Variants in MAGI2 observed in about 807,000 individuals in gnomAD.
The protein encoded by MAGI2 is membrane-associated guanylate kinase, WW and PDZ domain-containing protein 2.
A neutral mutation model predicts 133.3 loss-of-function variants in MAGI2; 35 were observed. The ratio of observed to expected loss-of-function variants is 0.26; its 90% CI spans 0.20 to 0.35. The LOEUF is 0.35. Among genes scored for constraint, MAGI2 ranks in the 10% least tolerant of loss-of-function variants. MAGI2 has a pLI of 1.00. For missense variants in MAGI2, 1,636 were observed against 1,863.4 expected, an observed-to-expected ratio of 0.88 and a Z score of 2.25; for synonymous variants, 729 against 710.6, an observed-to-expected ratio of 1.03 and a Z score of -0.41.
rs1796199451 is a variant in MAGI2, at chr7:78,286,929, C to G, written c.1409-30348G>C. 3.3e-5 allele frequency among the ~76,000 whole-genome samples: 5 copies of G among 152,124 alleles called. No individual in the cohort carries two copies. The South Asian group carries it at 1.0e-3, about 32-fold the overall frequency. On this transcript the variant is annotated intron_variant, in intron 9 of 21. Coordinates refer to ENST00000354212, the MANE Select transcript of MAGI2 (RefSeq NM_012301.4). ...CAAATAGACAAGTTTCATGAAAGGA[C>G]AGCTGAGAGAGTGAATGTAGCCGGA...
chr7:79,317,856 A>G (rs1202368955), intron 1 of MAGI2, among the ~76,000 whole-genome samples: 1 of 152,060 alleles, frequency 6.6e-6, no homozygotes, highest in Non-Finnish European at 1.5e-5. Flanking sequence ...CTTAACTGGA[A>G]TGTGCCTGGT....
chr7:79,035,602 C>T (rs1055414206), intron 1 of MAGI2, among the ~76,000 whole-genome samples: 6 of 152,090 alleles, frequency 3.9e-5, no homozygotes, highest in Non-Finnish European at 7.4e-5. Flanking sequence ...TCATAAGGTG[C>T]ACAGTAATTT....
In MAGI2 at chr7:78,018,510, G is replaced by A. The variant is rs1449219214; in HGVS notation, c.*805C>T. ...TCAATTATAAAATTCATATTTTAGA[G>A]AAAAACCAATTAAGATCTATGAGCT... is the stretch of plus-strand genomic sequence containing the variant. On this transcript the variant is annotated 3_prime_UTR_variant, in exon 22 of 22. Transcript: ENST00000354212. 1.3e-5 allele frequency: 2 copies of A among 152,280 alleles called. No homozygotes were observed. The highest frequency in any genetic ancestry group is 4.1e-4 in the South Asian group (2 of 4,822). The allele number at this position is 152,280 out of a possible 1,614,324, so 9.4% of individuals were successfully genotyped here.
At chr7:78,452,876 T>G (rs1788876108) in intron 6 of MAGI2, among the ~76,000 whole-genome samples, 1 of 152,122 alleles carries the variant, frequency 6.6e-6, no homozygotes, top group Non-Finnish European at 1.5e-5. Flanking sequence ...ATTAGCATAT[T>G]TTTAAAATTT....
In MAGI2 at chr7:79,389,927, A is replaced by G. The variant is rs77254369; in HGVS notation, c.301+63093T>C. ...TATGCAAAACTGAGATTCAAATGCT[A>G]TGAGGAGTTCATTATTTCCCCAATT... On this transcript the variant is annotated intron_variant, in intron 1 of 21. Transcript: ENST00000354212. Among the ~76,000 whole-genome samples, 33 of 152,264 alleles carry G rather than the reference A, an allele frequency of 2.2e-4. 1 individual carries two copies. In the East Asian group the frequency reaches 6.4e-3, roughly 29 times the overall value.
intron 21 of MAGI2, among the ~76,000 whole-genome samples, chr7:78,051,649 A>C (rs1812013224): frequency 1.3e-5 from 2 of 152,142 alleles, no homozygotes; most frequent in Non-Finnish European, 2.9e-5. Context: ...CAGTGGCGCG[A>C]TCTTGGCTCA....
intron 2 of MAGI2, among the ~76,000 whole-genome samples, chr7:78,798,959 GA>G (rs1318322203): frequency 6.6e-6 from 1 of 152,162 alleles, no homozygotes; most frequent in Non-Finnish European, 1.5e-5. Context: ...GATCAAGAAA[GA>G]AAAGACATAA....
At chr7:79,235,788 C>T (rs1296094645) in intron 1 of MAGI2, among the ~76,000 whole-genome samples, 1 of 152,254 alleles carries the variant, frequency 6.6e-6, no homozygotes, top group African/African-American at 2.4e-5. Context: ...TAGACCGGAG[C>T]TGTTCCTATT....
intron 20 of MAGI2, among the ~76,000 whole-genome samples, chr7:78,093,695 G>A (rs116882540): frequency 6.6e-5 from 10 of 152,162 alleles, no homozygotes; most frequent in East Asian, 1.9e-4. Context: ...TCTATCATAC[G>A]TTCTAACTAG....
intron 2 of MAGI2, among the ~76,000 whole-genome samples, chr7:78,783,476 T>C (rs958400578): frequency 6.6e-6 from 1 of 152,108 alleles, no homozygotes. Context: ...AAAAGAAACA[T>C]AATTATAGAT....
intron 1 of MAGI2, among the ~76,000 whole-genome samples, chr7:79,099,848 T>A (rs1045449548): frequency 2.0e-5 from 3 of 152,194 alleles, no homozygotes; most frequent in Non-Finnish European, 4.4e-5. Context: ...ACCATAACTT[T>A]TAAAATTCTT....
At chr7:79,131,353 A>T (rs1317087386) in intron 1 of MAGI2, among the ~76,000 whole-genome samples, 1 of 152,198 alleles carries the variant, frequency 6.6e-6, no homozygotes, top group Non-Finnish European at 1.5e-5. Flanking sequence ...CTACTGCTCC[A>T]AGAAGGAGTA....
intron 21 of MAGI2, among the ~76,000 whole-genome samples, chr7:78,029,576 A>C (rs1809339413): frequency 6.6e-6 from 1 of 152,168 alleles, no homozygotes; most frequent in African/African-American, 2.4e-5. Context: ...GCTGCCACCC[A>C]CCCTGAGTCC....
chr7:79,103,969 G>A (rs1818222329), intron 1 of MAGI2, among the ~76,000 whole-genome samples: 2 of 152,114 alleles, frequency 1.3e-5, no homozygotes, highest in Admixed American at 1.3e-4. Flanking sequence ...CTAAGGTGCT[G>A]GGATTACAGG....
intron 20 of MAGI2, among the ~76,000 whole-genome samples, chr7:78,091,775 G>C (rs1053986707): frequency 8.5e-5 from 13 of 152,168 alleles, no homozygotes; most frequent in African/African-American, 3.1e-4. Flanking sequence ...ATTTTACTTG[G>C]TTCAGAGATA....
chr7:78,463,450 C>T (rs530378663), intron 6 of MAGI2, among the ~76,000 whole-genome samples: 200 of 152,332 alleles, frequency 1.3e-3, no homozygotes, highest in African/African-American at 4.6e-3. Flanking sequence ...GTCTTCCCCA[C>T]TTTCATTTAG....
intron 2 of MAGI2, among the ~76,000 whole-genome samples, chr7:78,744,268 T>C (rs1046709497): frequency 6.6e-6 from 1 of 152,178 alleles, no homozygotes; most frequent in African/African-American, 2.4e-5. Context: ...TTAAACTTTA[T>C]CTTATTTGAA....
Position 78,692,679 on chromosome 7 carries a change from A to C in MAGI2, c.419-65440T>G, listed in dbSNP as rs10280293. Reference sequence around the variant, plus strand: ...GAAAATCATCATGTATTTAAGTATCACATTGTGTCTCTTCAGTTTATCCTT... The same window carrying C: ...GAAAATCATCATGTATTTAAGTATCCCATTGTGTCTCTTCAGTTTATCCTT... On this transcript the variant is annotated intron_variant, in intron 2 of 21. Transcript: ENST00000354212. 5.5e-3 allele frequency among the ~76,000 whole-genome samples: 836 copies of C among 152,300 alleles called. 8 individuals are homozygous for C. Among genetic ancestry groups the C allele is most frequent in the African/African-American group, 0.019 (795 of 41,550 alleles).
intron 1 of MAGI2, among the ~76,000 whole-genome samples, chr7:79,149,122 A>AT (rs1481339825): frequency 4.9e-5 from 7 of 144,320 alleles, no homozygotes; most frequent in Admixed American, 2.1e-4. Flanking sequence ...TATTATATAT[A>AT]ATATAATATA....
Sources: gnomAD v4.1 joint callset for allele counts (sites outside exome capture counted in the v4.1 genomes callset) on GRCh38, gnomAD v4.1.1 for gene constraint, MANE v1.5 for transcripts, NCBI Gene and HGNC (gene_info 2026-07-23, HGNC 2026-07-21) for gene names.